The following ANKRD62 variants were observed in gnomAD, a reference collection of about 807,000 sequenced individuals.
The protein encoded by ANKRD62 is ankyrin repeat domain 62, also known as ankyrin repeat domain-containing protein 62.
ANKRD62 carries 61 observed loss-of-function variants against 98.8 expected under a neutral mutation model. The observed-to-expected ratio is 0.62, with a 90% CI of 0.50 to 0.76. ANKRD62 has a LOEUF of 0.76. ANKRD62 is among the 30% of genes least tolerant of loss of function. The pLI, the probability that ANKRD62 is intolerant of heterozygous loss-of-function variation, is 0.00. For missense variants in ANKRD62, 933 were observed against 1,082.9 expected (o/e 0.86, Z 1.94); for synonymous variants, 341 against 367.9 (o/e 0.93, Z 0.84).
the ANKRD62 span, among the ~76,000 whole-genome samples, chr18:12,136,260 A>G: frequency 6.6e-6 from 1 of 152,014 alleles, no homozygotes; most frequent in African/African-American, 2.4e-5. Context: ...CTTTCTACAT[A>G]TGGCTAGCCA....
intron 10 of ANKRD62, 36 bp downstream of exon 10, chr18:12,115,570 A>G (rs1909646392): frequency 6.6e-7 from 1 of 1,512,014 alleles, no homozygotes; most frequent in Non-Finnish European, 8.8e-7. Flanking sequence ...CTCTTTCCCT[A>G]TCCTATAGTA....
chr18:12,152,192 A>C, the ANKRD62 span, among the ~76,000 whole-genome samples: 3 of 150,400 alleles, frequency 2.0e-5, no homozygotes. Context: ...AAAAAAAAAA[A>C]AAAAAAAAAC....
At chr18:12,141,213 T>G in the ANKRD62 span, among the ~76,000 whole-genome samples, 5 of 152,216 alleles carry the variant, frequency 3.3e-5, no homozygotes, top group African/African-American at 1.2e-4. Context: ...AAGCGCAGTA[T>G]TAGGGTGGGA....
intron 10 of ANKRD62, among the ~76,000 whole-genome samples, chr18:12,119,771 T>G (rs936270705): frequency 6.6e-6 from 1 of 151,982 alleles, no homozygotes; most frequent in Non-Finnish European, 1.5e-5. Flanking sequence ...TTTATTTATT[T>G]TCATTTTCTT....
chr18:12,171,352 G>T, the ANKRD62 span, among the ~76,000 whole-genome samples: 3 of 152,148 alleles, frequency 2.0e-5, no homozygotes, highest in East Asian at 5.8e-4. Context: ...AAATCTCTCA[G>T]CATTTGCTTC....
At chr18:12,158,214 A>G in the ANKRD62 span, among the ~76,000 whole-genome samples, 1 of 152,216 alleles carries the variant, frequency 6.6e-6, no homozygotes, top group East Asian at 1.9e-4. Context: ...GAGGTAGTAA[A>G]TGAGAAGGCA....
chr18:12,156,144 TC>T, the ANKRD62 span, among the ~76,000 whole-genome samples: 2 of 146,908 alleles, frequency 1.4e-5, no homozygotes, highest in Admixed American at 1.4e-4. Flanking sequence ...ACCCGCCTGC[TC>T]CCCCTTTGCC....
At chr18:12,166,346 G>A in the ANKRD62 span, among the ~76,000 whole-genome samples, 4 of 151,536 alleles carry the variant, frequency 2.6e-5, no homozygotes, top group African/African-American at 9.7e-5. Context: ...GACTTAACTG[G>A]TTGTATTTTC....
chr18:12,115,207 A>G, intron 9 of ANKRD62, 86 bp downstream of exon 9: 1 of 1,317,812 alleles, frequency 7.6e-7, no homozygotes, highest in Non-Finnish European at 9.9e-7. Flanking sequence ...TTTGCTGTAA[A>G]GACATTGACT....
Position 12,094,251 on chromosome 18 carries a change from A to G in ANKRD62, c.218+16A>G, listed in dbSNP as rs777492516. 4.6e-6 allele frequency: 7 copies of G among 1,510,380 alleles called. No homozygotes were observed. The South Asian group carries it at 8.5e-5, about 18-fold the overall frequency. 93.6% of individuals were successfully genotyped at this position (1,510,380 alleles called of 1,614,324 possible). A position where few individuals can be genotyped will look rare whatever the true frequency, so the allele number is the denominator to read the frequency against. Reference sequence around the variant, plus strand: ...AGAAGAACAGGTAAGGGGAACAGGAAGCCGGGAGGAGGCCTGGGGATATGG... The same window carrying G: ...AGAAGAACAGGTAAGGGGAACAGGAGGCCGGGAGGAGGCCTGGGGATATGG... On this transcript the variant is annotated intron_variant, in intron 1 of 13. Transcript: ENST00000587848.
At chr18:12,115,625 TG>T (rs1909647801) in intron 10 of ANKRD62, 91 bp downstream of exon 10, 3 of 1,140,274 alleles carry the variant, frequency 2.6e-6, no homozygotes, top group Non-Finnish European at 3.6e-6. Flanking sequence ...AACACTGATG[TG>T]TTATAGGGAT....
intron 4 of ANKRD62, 117 bp from the exon 5 acceptor site, chr18:12,097,523 C>T: frequency 9.0e-7 from 1 of 1,112,050 alleles, no homozygotes; most frequent in African/African-American, 1.6e-5. Flanking sequence ...TTTATTAGTA[C>T]ATGTAATTGG....
At chr18:12,123,218 CT>C (rs753649393) in intron 11 of ANKRD62, among the ~76,000 whole-genome samples, 3,345 of 141,564 alleles carry the variant, frequency 0.024, 93 homozygotes, top group African/African-American at 0.071. Flanking sequence ...TTTCTAATTT[CT>C]TTTTTTTTTT....
chr18:12,100,425 A>G (rs1343943354), intron 6 of ANKRD62, among the ~76,000 whole-genome samples: 2 of 152,196 alleles, frequency 1.3e-5, no homozygotes, highest in Non-Finnish European at 2.9e-5. Flanking sequence ...TGATCTTGCC[A>G]TCTCAGGTGG....
At chr18:12,155,392 GGT>G in the ANKRD62 span, among the ~76,000 whole-genome samples, 1 of 152,186 alleles carries the variant, frequency 6.6e-6, no homozygotes, top group Non-Finnish European at 1.5e-5. Context: ...TTTATTGCCT[GGT>G]TCTCAATCCC....
chr18:12,112,110 T>TGAAAAAAAAAAAAAA (rs1318094455), intron 8 of ANKRD62, among the ~76,000 whole-genome samples: 1 of 81,870 alleles, frequency 1.2e-5, no homozygotes, highest in Non-Finnish European at 2.1e-5. Context: ...AGACTCCAAC[T>TGAAAAAAAAAAAAAA]CAAAAAAAAA....
the ANKRD62 span, among the ~76,000 whole-genome samples, chr18:12,136,086 G>A: frequency 6.6e-6 from 1 of 152,138 alleles, no homozygotes; most frequent in African/African-American, 2.4e-5. Flanking sequence ...TGTTGCCATT[G>A]CTTTTGGTGT....
downstream of ANKRD62, among the ~76,000 whole-genome samples, chr18:12,134,102 A>G (rs1314434999): frequency 6.6e-6 from 1 of 152,208 alleles, no homozygotes; most frequent in African/African-American, 2.4e-5. Context: ...TGAATTTTAC[A>G]TACTTGGAGA....
At position 12,107,304 on chromosome 18, in the gene ANKRD62, A is replaced by G. The variant is rs1164265265; in HGVS notation, c.901A>G (p.Lys301Glu). The change falls in exon 8 of 14, where the codon AAA (lysine) becomes GAA (glutamate). Residue 301 changes from lysine to glutamate, a missense_variant. Transcript: ENST00000587848. ...GAAACTTTCATTGAAGGTTGAAGAA[A>G]AAATGAAGAAATGCAGAAATAAGAA... The part of the protein sequence containing the change: ...CESSQPQVEE[K>E]MKKCRNKKME... 1.3e-6 allele frequency: 2 copies of G among 1,491,234 alleles called. No individual in the cohort carries two copies. The highest frequency in any genetic ancestry group is 1.3e-5 in the South Asian group (1 of 74,704). 92.4% of individuals were successfully genotyped at this position (1,491,234 alleles called of 1,614,324 possible).
Sources: gnomAD v4.1 joint callset for allele counts (sites outside exome capture counted in the v4.1 genomes callset) on GRCh38, gnomAD v4.1.1 for gene constraint, MANE v1.5 for transcripts, NCBI Gene and HGNC (gene_info 2026-07-23, HGNC 2026-07-21) for gene names.